Variants in RANBP17 observed in about 807,000 individuals in gnomAD.
The protein encoded by RANBP17 is ran-binding protein 17.
Under a neutral mutation model 141.2 loss-of-function variants are expected in RANBP17, and 158 were observed. The observed-to-expected ratio is 1.12, with a 90% CI of 0.98 to 1.28. The LOEUF (loss-of-function observed/expected upper bound fraction) is 1.28, where lower values mean the gene tolerates loss of function less well. Ranked by LOEUF, RANBP17 falls within the 50% of genes most tolerant of loss-of-function variation. The pLI is 0.00. For missense variants in RANBP17, 1,438 were observed against 1,290.7 expected, an observed-to-expected ratio of 1.11 and a Z score of -1.75; for synonymous variants, 430 against 450.0, an observed-to-expected ratio of 0.96 and a Z score of 0.56.
intron 14 of RANBP17, among the ~76,000 whole-genome samples, chr5:171,147,590 A>G (rs1384130807): frequency 6.6e-6 from 1 of 151,142 alleles, no homozygotes; most frequent in Non-Finnish European, 1.5e-5. Flanking sequence ...TAATTTTTGT[A>G]TTTTTGGTAG....
intron 11 of RANBP17, among the ~76,000 whole-genome samples, chr5:170,923,663 T>G (rs1772663056): frequency 6.6e-6 from 1 of 152,186 alleles, no homozygotes; most frequent in African/African-American, 2.4e-5. Context: ...CTTCTCTGAT[T>G]TTTCTTTAAT....
At chr5:171,137,817 C>T (rs1757417134) in intron 14 of RANBP17, among the ~76,000 whole-genome samples, 1 of 151,660 alleles carries the variant, frequency 6.6e-6, no homozygotes, top group African/African-American at 2.4e-5. Context: ...ATAACTGGTC[C>T]TTGTGTCTCA....
chr5:171,063,167 C>G, intron 14 of RANBP17, among the ~76,000 whole-genome samples: 1 of 152,202 alleles, frequency 6.6e-6, no homozygotes, highest in Non-Finnish European at 1.5e-5. Flanking sequence ...ACTCGTCAAA[C>G]TCATTCTCTG....
At chr5:171,255,640 T>C (rs1286875379) in intron 24 of RANBP17, among the ~76,000 whole-genome samples, 3 of 152,146 alleles carry the variant, frequency 2.0e-5, no homozygotes, top group Non-Finnish European at 4.4e-5. Flanking sequence ...TGTTTTGAAG[T>C]TTATCAAAAA....
Position 171,277,938 on chromosome 5 carries a change from C to CTTTTTTTTT in RANBP17, c.2943+12114_2943+12122dup, listed in dbSNP as rs140208253. On this transcript the variant is annotated intron_variant, in intron 25 of 27. Coordinates refer to ENST00000523189, the MANE Select transcript of RANBP17 (RefSeq NM_022897.5). ...CAGTCCTTGAGCCTAGGACTTCTTTCTTTTTTTTTTTTTTTTTTTTTTTTT... is the reference window on the plus strand; with the variant it reads ...CAGTCCTTGAGCCTAGGACTTCTTTCTTTTTTTTTTTTTTTTTTTTTTTTTTTTTTTTTT... Among the ~76,000 whole-genome samples the CTTTTTTTTT allele has an allele frequency of 6.0e-4, 43 of 72,268 alleles. 1 individual carries two copies. Among genetic ancestry groups the CTTTTTTTTT allele is most frequent in the African/African-American group, 8.5e-4 (15 of 17,574 alleles). The allele number at this position is 72,268 out of a possible 152,430, so 47.4% of individuals were successfully genotyped here.
intron 21 of RANBP17, among the ~76,000 whole-genome samples, chr5:171,215,778 T>G (rs1162507427): frequency 1.3e-5 from 2 of 152,216 alleles, no homozygotes; most frequent in Non-Finnish European, 2.9e-5. Flanking sequence ...TAAATTTGTT[T>G]AAGTTCCTTG....
At chr5:171,020,258 A>C (rs1468846979) in intron 14 of RANBP17, among the ~76,000 whole-genome samples, 5 of 152,126 alleles carry the variant, frequency 3.3e-5, no homozygotes, top group African/African-American at 4.8e-5. Flanking sequence ...TTTGGGGTGG[A>C]GAGTTCTGTG....
chr5:171,043,619 A>G (rs1248227584), intron 14 of RANBP17, among the ~76,000 whole-genome samples: 1 of 152,180 alleles, frequency 6.6e-6, no homozygotes, highest in African/African-American at 2.4e-5. Flanking sequence ...ATTATTAGTG[A>G]ACATGTTTGT....
intron 25 of RANBP17, among the ~76,000 whole-genome samples, chr5:171,286,269 T>C (rs1768165031): frequency 6.6e-6 from 1 of 152,172 alleles, no homozygotes; most frequent in South Asian, 2.1e-4. Flanking sequence ...GGTAAAAAGC[T>C]TCTTTTTTTA....
intron 14 of RANBP17, among the ~76,000 whole-genome samples, chr5:171,092,483 A>G (rs1366746672): frequency 1.3e-5 from 2 of 152,206 alleles, no homozygotes; most frequent in East Asian, 3.9e-4. Flanking sequence ...GACAAAGAGG[A>G]TCTACTGAAA....
chr5:171,131,218 T>C (rs1386692743), intron 14 of RANBP17, among the ~76,000 whole-genome samples: 1 of 152,220 alleles, frequency 6.6e-6, no homozygotes, highest in Non-Finnish European at 1.5e-5. Context: ...TATTAGTTCT[T>C]TTTCCATATA....
intron 14 of RANBP17, among the ~76,000 whole-genome samples, chr5:171,109,477 A>T (rs1755067043): frequency 6.6e-6 from 1 of 152,184 alleles, no homozygotes; most frequent in South Asian, 2.1e-4. Context: ...TTTTGAAATG[A>T]CAGTCGTCCC....
chr5:171,185,224 C>T (rs979333209), intron 18 of RANBP17, among the ~76,000 whole-genome samples: 13 of 152,164 alleles, frequency 8.5e-5, no homozygotes, highest in Admixed American at 2.6e-4. Flanking sequence ...AACATCTGAG[C>T]TTTCAGTGTG....
At chr5:171,119,171 A>G (rs1000133018) in intron 14 of RANBP17, among the ~76,000 whole-genome samples, 2 of 152,152 alleles carry the variant, frequency 1.3e-5, no homozygotes, top group Non-Finnish European at 2.9e-5. Flanking sequence ...TTGATGTGAC[A>G]TATCTCATTT....
At chr5:170,916,968 G>A (rs1435021717) in intron 9 of RANBP17, among the ~76,000 whole-genome samples, 4 of 151,976 alleles carry the variant, frequency 2.6e-5, no homozygotes, top group Admixed American at 6.6e-5. Flanking sequence ...CACCTGCCTC[G>A]GCCTCCCAAA....
intron 12 of RANBP17, among the ~76,000 whole-genome samples, chr5:170,928,155 T>C (rs77121572): frequency 2.6e-5 from 4 of 152,202 alleles, no homozygotes; most frequent in South Asian, 2.1e-4. Context: ...TTGTATTTCT[T>C]ATTTTGTGAA....
intron 18 of RANBP17, among the ~76,000 whole-genome samples, chr5:171,198,090 C>T (rs1331386931): frequency 6.6e-6 from 1 of 152,182 alleles, no homozygotes; most frequent in Admixed American, 6.5e-5. Flanking sequence ...AGGGAGATAA[C>T]TTGATTGGGA....
intron 12 of RANBP17, among the ~76,000 whole-genome samples, chr5:170,938,619 A>G (rs1774077073): frequency 6.6e-6 from 1 of 152,232 alleles, no homozygotes; most frequent in Admixed American, 6.5e-5. Flanking sequence ...AAAAACAACC[A>G]GGAGGATATG....
chr5:171,140,979 A>G (rs1022880967), intron 14 of RANBP17, among the ~76,000 whole-genome samples: 1 of 152,172 alleles, frequency 6.6e-6, no homozygotes, highest in Admixed American at 6.5e-5. Flanking sequence ...AAAAGCAGAA[A>G]CTATCTTTGG....
Sources: gnomAD v4.1 joint callset for allele counts (sites outside exome capture counted in the v4.1 genomes callset) on GRCh38, gnomAD v4.1.1 for gene constraint, MANE v1.5 for transcripts, NCBI Gene and HGNC (gene_info 2026-07-23, HGNC 2026-07-21) for gene names.